The following DNAH11 variants were observed in gnomAD, a reference collection of about 807,000 sequenced individuals.
DNAH11 encodes the protein dynein axonemal heavy chain 11.
A neutral mutation model predicts 526.0 loss-of-function variants in DNAH11; 442 were observed. The ratio of observed to expected loss-of-function variants is 0.84; its 90% confidence interval spans 0.78 to 0.91. The LOEUF (loss-of-function observed/expected upper bound fraction) is 0.91, where lower values mean the gene tolerates loss of function less well. Among genes scored for constraint, DNAH11 ranks in the 40% least tolerant of loss-of-function variants. DNAH11 has a pLI of 0.00. For synonymous variants in DNAH11, 2,461 were observed against 1,935.9 expected, an observed-to-expected ratio of 1.27 and a Z score of -7.12; for missense variants, 6,989 against 5,448.7, an observed-to-expected ratio of 1.28 and a Z score of -8.90.
intron 76 of DNAH11, among the ~76,000 whole-genome samples, chr7:21,889,257 C>G (rs1021444756): frequency 1.3e-5 from 2 of 152,190 alleles, no homozygotes; most frequent in African/African-American, 2.4e-5. Flanking sequence ...GAATAATGTT[C>G]CATTGTATGG....
At chr7:21,799,931 T>A (rs529566506) in intron 61 of DNAH11, among the ~76,000 whole-genome samples, 1 of 152,344 alleles carries the variant, frequency 6.6e-6, no homozygotes, top group Admixed American at 6.5e-5. Context: ...TGGAACTTAA[T>A]ATGCTAGCAA....
At chr7:21,581,073 C>G (rs1784289175) in intron 8 of DNAH11, among the ~76,000 whole-genome samples, 1 of 152,180 alleles carries the variant, frequency 6.6e-6, no homozygotes, top group Non-Finnish European at 1.5e-5. Context: ...TGCTAACTGT[C>G]ATTAATTCTA....
At chr7:21,582,415 C>T (rs912069995) in intron 9 of DNAH11, among the ~76,000 whole-genome samples, 30 of 152,222 alleles carry the variant, frequency 2.0e-4, no homozygotes, top group African/African-American at 6.5e-4. Context: ...ATTATTCTGA[C>T]TGAAACAAAT....
At position 21,691,393 on chromosome 7, in the gene DNAH11, C is replaced by T. The variant is rs948143885; in HGVS notation, c.6041+512C>T. 7.9e-5 allele frequency among the ~76,000 whole-genome samples: 12 copies of T among 151,376 alleles called. 1 individual carries two copies. The highest frequency in any genetic ancestry group is 1.0e-4 in the Non-Finnish European group (7 of 67,874). ...AGGGCATGGCAGCTGCTGGCTCTGT[C>T]CTCCCAGCCTGGTCCCACCCCTCCT... On this transcript the variant is annotated intron_variant, in intron 35 of 81. Coordinates refer to ENST00000409508, the MANE Select transcript of DNAH11 (RefSeq NM_001277115.2).
chr7:21,562,011 A>G (rs1036720299), intron 5 of DNAH11, among the ~76,000 whole-genome samples: 1 of 151,904 alleles, frequency 6.6e-6, no homozygotes, highest in Non-Finnish European at 1.5e-5. Context: ...AAAAGAGGGC[A>G]TAAGATAAGG....
chr7:21,598,105 C>CT (rs1784933905), intron 14 of DNAH11, among the ~76,000 whole-genome samples: 1 of 152,184 alleles, frequency 6.6e-6, no homozygotes, highest in Non-Finnish European at 1.5e-5. Context: ...AACATAACAC[C>CT]TTTGCATCCT....
At chr7:21,858,498 T>A (rs1782938244) in intron 68 of DNAH11, among the ~76,000 whole-genome samples, 1 of 152,194 alleles carries the variant, frequency 6.6e-6, no homozygotes, top group East Asian at 1.9e-4. Context: ...GTCATGCAGA[T>A]TTTGCATGTT....
chr7:21,551,380 G>C (rs756888364), intron 2 of DNAH11, among the ~76,000 whole-genome samples: 4 of 152,200 alleles, frequency 2.6e-5, no homozygotes, highest in Non-Finnish European at 5.9e-5. Context: ...ACCTCTGCTG[G>C]AAGCAGGAGG....
rs533900503 is a variant in DNAH11, at chr7:21,621,134, C to T, written c.4500+1056C>T. Reference sequence around the variant, plus strand: ...TTCTAGTTCTAGATCCCTGAGGAATCGCCACACTGACTTCCACAAGAGTTG... The same window carrying T: ...TTCTAGTTCTAGATCCCTGAGGAATTGCCACACTGACTTCCACAAGAGTTG... On this transcript the variant is annotated intron_variant, in intron 25 of 81. Coordinates refer to ENST00000409508, the MANE Select transcript of DNAH11 (RefSeq NM_001277115.2). Among the ~76,000 whole-genome samples the T allele has an allele frequency of 7.2e-5, 11 of 151,826 alleles. No individual in the cohort carries two copies. The East Asian group carries it at 7.8e-4, about 11-fold the overall frequency.
intron 71 of DNAH11, 40 bp downstream of exon 71, chr7:21,866,703 CAT>C (rs775514608): frequency 6.4e-7 from 1 of 1,559,972 alleles, no homozygotes; most frequent in Non-Finnish European, 8.7e-7. Context: ...TATTAGTTAA[CAT>C]AGAGGAAATG....
intron 9 of DNAH11, 31 bp downstream of exon 9, chr7:21,582,052 GT>G: frequency 7.0e-7 from 1 of 1,420,718 alleles, no homozygotes; most frequent in South Asian, 1.2e-5. Context: ...CATAAAAAAC[GT>G]TTACTATGAA....
At chr7:21,787,973 T>C (rs567979340) in intron 60 of DNAH11, among the ~76,000 whole-genome samples, 1 of 152,230 alleles carries the variant, frequency 6.6e-6, no homozygotes, top group South Asian at 2.1e-4. Flanking sequence ...ATCTGTATTG[T>C]TGACATAGTG....
chr7:21,720,578 G>A (rs1275630235), intron 43 of DNAH11, 147 bp from the exon 44 acceptor site: 10 of 777,736 alleles, frequency 1.3e-5, no homozygotes, highest in Non-Finnish European at 1.9e-5. Flanking sequence ...CACCCAAGGT[G>A]GTAATTTTTG....
chr7:21,552,005 T>A (rs1309061710), intron 2 of DNAH11, among the ~76,000 whole-genome samples: 31 of 152,186 alleles, frequency 2.0e-4, no homozygotes, highest in Non-Finnish European at 2.9e-5. Flanking sequence ...CTTTCCACTC[T>A]CCTAGCAGCA....
intron 60 of DNAH11, among the ~76,000 whole-genome samples, chr7:21,788,634 T>C (rs1788297100): frequency 6.6e-6 from 1 of 152,136 alleles, no homozygotes; most frequent in African/African-American, 2.4e-5. Flanking sequence ...TCAAACAACA[T>C]GTGCTTAAGG....
intron 55 of DNAH11, among the ~76,000 whole-genome samples, chr7:21,767,749 C>A (rs1169315644): frequency 6.6e-6 from 1 of 152,130 alleles, no homozygotes; most frequent in East Asian, 1.9e-4. Context: ...CTTCTAAAAA[C>A]CTGTGGTGTC....
chr7:21,637,196 C>G (rs1786902746), intron 26 of DNAH11, among the ~76,000 whole-genome samples: 1 of 151,910 alleles, frequency 6.6e-6, no homozygotes, highest in South Asian at 2.1e-4. Flanking sequence ...CTCTTTCTCT[C>G]TCTCCCTTCC....
chr7:21,895,301 A>G (rs1028026949), intron 79 of DNAH11, among the ~76,000 whole-genome samples: 3 of 152,062 alleles, frequency 2.0e-5, no homozygotes, highest in Non-Finnish European at 4.4e-5. Flanking sequence ...TGGCAATAGA[A>G]TCCCCTGAGT....
rs1158419434 is a variant in DNAH11 at position 21,739,668 on chromosome 7, C to CTACA, written c.7910_7913dup (p.Gln2638HisfsTer27). ...GGGCAGCTTCACCATCAATCCCAGG[C>CTACA]TACAGGTAGGGTGTTGAATACTGCT... On this transcript the variant is annotated frameshift_variant, in exon 48 of 82. Coordinates refer to ENST00000409508, the MANE Select transcript of DNAH11 (RefSeq NM_001277115.2). LOFTEE classifies it high-confidence loss of function. 6 of 1,610,982 alleles carry CTACA rather than the reference C, an allele frequency of 3.7e-6. No individual in the cohort carries two copies. The highest frequency in any genetic ancestry group is 3.4e-6 in the Non-Finnish European group (4 of 1,178,222).
Sources: allele counts gnomAD v4.1 joint callset (sites outside exome capture counted in the v4.1 genomes callset), GRCh38; gene constraint gnomAD v4.1.1; transcripts MANE v1.5; gene names NCBI Gene and HGNC (gene_info 2026-07-23, HGNC 2026-07-21).